RARB: variants seen among roughly 807,000 people sequenced by gnomAD.
RARB encodes the protein HBV-activated protein.
RARB carries 17 observed loss-of-function variants against 51.9 expected under a neutral mutation model. The ratio of observed to expected loss-of-function variants is 0.33; its 90% confidence interval spans 0.22 to 0.49. The LOEUF is 0.49. RARB is among the 20% of genes least tolerant of loss of function. The pLI, the probability that RARB is intolerant of heterozygous loss-of-function variation, is 0.99. For missense variants in RARB, 369 were observed against 550.8 expected, an observed-to-expected ratio of 0.67 and a Z score of 3.30; for synonymous variants, 215 against 195.4, an observed-to-expected ratio of 1.10 and a Z score of -0.84.
intron 3 of RARB, among the ~76,000 whole-genome samples, chr3:25,063,194 C>G (rs1359111008): frequency 6.6e-6 from 1 of 151,898 alleles, no homozygotes; most frequent in African/African-American, 2.4e-5. Context: ...AGAATCTATA[C>G]CAATGGTGGT....
At chr3:25,228,062 C>T (rs1008083114) in intron 5 of RARB, among the ~76,000 whole-genome samples, 1 of 152,000 alleles carries the variant, frequency 6.6e-6, no homozygotes, top group Admixed American at 6.6e-5. Flanking sequence ...TCTCAATACT[C>T]TCACATTTCT....
chr3:25,327,208 G>A (rs557249588), intron 5 of RARB, among the ~76,000 whole-genome samples: 5 of 152,026 alleles, frequency 3.3e-5, no homozygotes, highest in East Asian at 3.9e-4. Flanking sequence ...AAGAGAAAAC[G>A]AATGGGAAGA....
intron 5 of RARB, among the ~76,000 whole-genome samples, chr3:25,322,892 C>T (rs1575311652): frequency 1.3e-5 from 2 of 152,164 alleles, no homozygotes; most frequent in East Asian, 1.9e-4. Flanking sequence ...AACAAACCAA[C>T]CCCAAACTTA....
At chr3:24,913,119 T>C (rs1002337515) in intron 2 of RARB, among the ~76,000 whole-genome samples, 1 of 151,598 alleles carries the variant, frequency 6.6e-6, no homozygotes, top group East Asian at 2.0e-4. Context: ...CAGCTAGGAC[T>C]ACAGGCACCC....
chr3:25,454,904 C>T (rs934795604), intron 1 of RARB, among the ~76,000 whole-genome samples: 5 of 152,212 alleles, frequency 3.3e-5, no homozygotes, highest in Non-Finnish European at 7.3e-5. Context: ...TCTTAACAGG[C>T]AGCAATGTTA....
chr3:24,935,854 G>C (rs9818570), intron 2 of RARB, among the ~76,000 whole-genome samples: 1 of 152,132 alleles, frequency 6.6e-6, no homozygotes, highest in African/African-American at 2.4e-5. Flanking sequence ...AGGCCTGTTG[G>C]CAGAGAGCTC....
chr3:25,544,450 A>C (rs548963099), intron 3 of RARB, among the ~76,000 whole-genome samples: 23 of 152,318 alleles, frequency 1.5e-4, no homozygotes, highest in African/African-American at 5.3e-4. Context: ...TTAGTTACCC[A>C]AGACCTAGTT....
At chr3:24,955,349 G>C (rs540995636) in intron 2 of RARB, among the ~76,000 whole-genome samples, 4 of 151,322 alleles carry the variant, frequency 2.6e-5, no homozygotes, top group Non-Finnish European at 5.9e-5. Flanking sequence ...CTGAGGTCTG[G>C]GGTTTATATA....
intron 5 of RARB, among the ~76,000 whole-genome samples, chr3:25,251,245 G>T (rs1026527626): frequency 3.7e-4 from 56 of 151,902 alleles, no homozygotes; most frequent in African/African-American, 1.3e-3. Flanking sequence ...TATAGATATA[G>T]AATGTTATAT....
Position 25,578,714 on chromosome 3 carries a change from A to G in RARB, c.610-1832A>G, listed in dbSNP as rs890217861. 3.2e-4 allele frequency among the ~76,000 whole-genome samples: 48 copies of G among 152,230 alleles called. 1 individual carries two copies. Among genetic ancestry groups the G allele is most frequent in the Admixed American group, 5.2e-4 (8 of 15,272 alleles). ...GGATGCATGTCTACTCTCCACAAGG[A>G]ACGTCGTGGAAGGCAAAGTTGACCA... On this transcript the variant is annotated intron_variant, in intron 4 of 7. Coordinates refer to ENST00000330688, the MANE Select transcript of RARB (RefSeq NM_000965.5).
chr3:25,436,705 C>T (rs1223074567), intron 1 of RARB, among the ~76,000 whole-genome samples: 1 of 152,190 alleles, frequency 6.6e-6, no homozygotes, highest in East Asian at 1.9e-4. Flanking sequence ...TGTGAATACT[C>T]TTCCAGAGCT....
intron 2 of RARB, among the ~76,000 whole-genome samples, chr3:25,472,503 GT>G (rs199904412): frequency 1.3e-5 from 2 of 151,998 alleles, no homozygotes; most frequent in African/African-American, 4.8e-5. Context: ...TCTACCATAG[GT>G]TTTTTTTATT....
intron 3 of RARB, among the ~76,000 whole-genome samples, chr3:25,082,634 G>A (rs1699029610): frequency 1.3e-5 from 2 of 151,898 alleles, no homozygotes; most frequent in African/African-American, 4.8e-5. Context: ...AGAGCACATT[G>A]TTATTATTCT....
At chr3:25,433,757 A>C (rs930587058) in intron 1 of RARB, among the ~76,000 whole-genome samples, 23 of 152,152 alleles carry the variant, frequency 1.5e-4, no homozygotes, top group African/African-American at 5.5e-4. Context: ...TCATCAGTCA[A>C]TATGTTGCTC....
intron 2 of RARB, among the ~76,000 whole-genome samples, chr3:24,949,108 A>T (rs544882548): frequency 4.6e-5 from 7 of 152,282 alleles, no homozygotes. Flanking sequence ...CATTTGACCC[A>T]TGTCAGCATC....
intron 5 of RARB, among the ~76,000 whole-genome samples, chr3:25,224,387 T>C (rs1025988674): frequency 2.6e-5 from 4 of 152,096 alleles, no homozygotes; most frequent in African/African-American, 9.7e-5. Flanking sequence ...TAAAATAGAA[T>C]TGATGCCAAA....
chr3:25,526,998 G>C (rs574720094), intron 3 of RARB, among the ~76,000 whole-genome samples: 3 of 152,324 alleles, frequency 2.0e-5, no homozygotes, highest in African/African-American at 7.2e-5. Context: ...GTATGTTTAT[G>C]TGTTTGTGTG....
chr3:25,553,395 C>T (rs73048067), intron 3 of RARB, among the ~76,000 whole-genome samples: 2 of 152,318 alleles, frequency 1.3e-5, no homozygotes, highest in Non-Finnish European at 2.9e-5. Context: ...CCATCCTCTT[C>T]ATCTCTGTGT....
At chr3:25,355,677 A>G (rs192277130) in intron 5 of RARB, among the ~76,000 whole-genome samples, 26 of 152,250 alleles carry the variant, frequency 1.7e-4, no homozygotes, top group Admixed American at 1.7e-3. Flanking sequence ...ATTAAATATA[A>G]TCATGTGTTA....
Sources: allele counts gnomAD v4.1 joint callset (sites outside exome capture counted in the v4.1 genomes callset), GRCh38; gene constraint gnomAD v4.1.1; transcripts MANE v1.5; gene names NCBI Gene and HGNC (gene_info 2026-07-23, HGNC 2026-07-21).